CATSPERE: variants seen among roughly 807,000 people sequenced by gnomAD.
The protein encoded by CATSPERE is cation channel sperm-associated auxiliary subunit epsilon.
In CATSPERE, 93 loss-of-function variants were observed where a neutral mutation model predicts 114.1. The ratio of observed to expected loss-of-function variants is 0.81; its 90% CI spans 0.69 to 0.97. The LOEUF is 0.97. CATSPERE is among the 50% of genes least tolerant of loss of function. CATSPERE has a pLI of 0.00. For synonymous variants in CATSPERE, 341 were observed against 384.1 expected (o/e 0.89, Z 1.31); for missense variants, 1,058 against 1,131.6 (o/e 0.93, Z 0.93).
chr1:244,483,234 A>T lies in CATSPERE; in HGVS notation c.326+3450A>T, dbSNP rs562055269. ...TCAGGCCTCATTCCAGACCTATGGG[A>T]TAATAATATGCACTTTAAGAAGATT... On this transcript the variant is annotated intron_variant, in intron 5 of 21. Transcript: ENST00000366534. Among the ~76,000 whole-genome samples the T allele has an allele frequency of 2.0e-5, 3 of 152,346 alleles. No homozygotes were observed. In the East Asian group the frequency reaches 5.8e-4, roughly 29 times the overall value.
intron 17 of CATSPERE, among the ~76,000 whole-genome samples, chr1:244,602,503 C>T (rs541187660): frequency 2.6e-5 from 4 of 152,222 alleles, no homozygotes; most frequent in Admixed American, 2.6e-4. Context: ...GTACAAGGCT[C>T]GGCAGAGTTT....
chr1:244,633,054 AT>A lies in CATSPERE; in HGVS notation c.2649-2434del, dbSNP rs1674173624. Among the ~76,000 whole-genome samples, 1 of 152,262 alleles carries A rather than the reference AT, an allele frequency of 6.6e-6. No individual in the cohort carries two copies. On this transcript the variant is annotated intron_variant, in intron 20 of 21. Transcript: ENST00000366534. The surrounding 1 kb of genome is among the most constrained non-coding windows in gnomAD (Gnocchi z 4.1). ...AAGGTATAAAGAGACACATTACATA[AT>A]GATAAAGAAGGTGTAATAATCCTAA...
At chr1:244,461,223 T>G (rs763184205), upstream of CATSPERE, 118 of 402,926 alleles carry the variant, frequency 2.9e-4, no homozygotes, top group Admixed American at 8.0e-4. Flanking sequence ...GCACTCCGGC[T>G]ACTTTCAGGC....
chr1:244,635,101 T>G (rs751364507), intron 20 of CATSPERE, among the ~76,000 whole-genome samples: 4 of 152,230 alleles, frequency 2.6e-5, no homozygotes, highest in Non-Finnish European at 5.9e-5. Flanking sequence ...CACCTCGGCC[T>G]CCCAAAGGCT....
intron 7 of CATSPERE, among the ~76,000 whole-genome samples, chr1:244,514,081 C>T (rs1676187022): frequency 6.6e-6 from 1 of 152,122 alleles, no homozygotes; most frequent in South Asian, 2.1e-4. Flanking sequence ...TTTTGAGGCA[C>T]AGAAGTTTTT....
intron 9 of CATSPERE, among the ~76,000 whole-genome samples, chr1:244,560,200 A>G (rs1440455445): frequency 6.6e-6 from 1 of 152,126 alleles, no homozygotes; most frequent in Non-Finnish European, 1.5e-5. Context: ...TTTGTTGCCC[A>G]GGCTGGTCTC....
chr1:244,602,121 CTATT>C (rs1285539387), intron 17 of CATSPERE, among the ~76,000 whole-genome samples: 11 of 152,088 alleles, frequency 7.2e-5, no homozygotes, highest in Admixed American at 6.6e-4. Flanking sequence ...TGGAACAGCA[CTATT>C]TGGGATTTTT....
At chr1:244,528,346 C>T (rs1476411613) in intron 8 of CATSPERE, among the ~76,000 whole-genome samples, 1 of 152,058 alleles carries the variant, frequency 6.6e-6, no homozygotes, top group African/African-American at 2.4e-5. Flanking sequence ...CAACACTAAT[C>T]AGTATGAATG....
intron 15 of CATSPERE, 61 bp downstream of exon 15, chr1:244,591,792 A>G (rs1572907671): frequency 1.0e-6 from 1 of 1,001,782 alleles, no homozygotes; most frequent in African/African-American, 1.6e-5. Flanking sequence ...ATACTTTACA[A>G]TCAGTACTTA....
chr1:244,519,032 A>C (rs1677092587), intron 8 of CATSPERE, among the ~76,000 whole-genome samples: 1 of 151,900 alleles, frequency 6.6e-6, no homozygotes, highest in African/African-American at 2.4e-5. Context: ...ACATACACAC[A>C]CACACACACA....
chr1:244,621,007 T>TATATATATAAAATATATATAA (rs1553388169), intron 20 of CATSPERE, among the ~76,000 whole-genome samples: 12,627 of 101,816 alleles, frequency 0.12, 5,450 homozygotes, highest in South Asian at 0.16. Context: ...GATTAAAATA[T>TATATATATAAAATATATATAA]ATATATATAA....
chr1:244,604,932 G>A (rs1312231315), intron 17 of CATSPERE, among the ~76,000 whole-genome samples: 1 of 152,170 alleles, frequency 6.6e-6, no homozygotes, highest in Non-Finnish European at 1.5e-5. Flanking sequence ...ATCAAGGCAG[G>A]GGTAGCCGGT....
Position 244,538,375 on chromosome 1 carries a change from CAG to C in CATSPERE, c.537-13944_537-13943del, listed in dbSNP as rs1680689122. Among the ~76,000 whole-genome samples the C allele has an allele frequency of 4.6e-5, 7 of 152,066 alleles. No homozygotes were observed. The South Asian group carries it at 1.5e-3, about 32-fold the overall frequency. ...GGAGGCAAGAACAAAAGACAGAAAA[CAG>C]AGGGGGAAGTGGTAACTGAGTAGTG... On this transcript the variant is annotated intron_variant, in intron 8 of 21. Coordinates refer to ENST00000366534, the MANE Select transcript of CATSPERE (RefSeq NM_001130957.2).
At chr1:244,567,043 G>A (rs890879207) in intron 10 of CATSPERE, among the ~76,000 whole-genome samples, 3 of 152,038 alleles carry the variant, frequency 2.0e-5, no homozygotes, top group African/African-American at 7.2e-5. Flanking sequence ...CAGGCCTGGT[G>A]GTGACAAAAT....
intron 8 of CATSPERE, among the ~76,000 whole-genome samples, chr1:244,534,426 G>C (rs900684759): frequency 6.6e-6 from 1 of 152,042 alleles, no homozygotes; most frequent in Non-Finnish European, 1.5e-5. Context: ...CTGTTTTCTA[G>C]ATCTTGTAAG....
chr1:244,454,266 C>T (rs1330274576), upstream of CATSPERE: 1 of 152,214 alleles, frequency 6.6e-6, no homozygotes, highest in African/African-American at 2.4e-5. Context: ...GGTCATCCCT[C>T]CCCACCTGGA....
rs1354475188 is a variant in CATSPERE at position 244,552,592 on chromosome 1, G to C, written c.807G>C (p.Trp269Cys). Residue 269 changes from tryptophan to cysteine, a missense_variant, in exon 9 of 22, where the codon TGG (tryptophan) becomes TGC (cysteine). Coordinates refer to ENST00000366534, the MANE Select transcript of CATSPERE (RefSeq NM_001130957.2). ...TFHTTDSFKSWTRIRVPPDIL... is the reference protein window; with the variant it reads ...TFHTTDSFKSCTRIRVPPDIL... ...ACACAACTGATTCATTCAAATCTTG[G>C]ACCAGAATCAGAGTGCCTCCAGACA... 2 of 1,614,132 alleles carry C rather than the reference G, an allele frequency of 1.2e-6. No homozygotes were observed. The highest frequency in any genetic ancestry group is 2.2e-5 in the South Asian group (2 of 91,076).
At chr1:244,460,039 A>G (rs187695712), upstream of CATSPERE, among the ~76,000 whole-genome samples, 1 of 152,352 alleles carries the variant, frequency 6.6e-6, no homozygotes, top group Non-Finnish European at 1.5e-5. Context: ...TATGATTGAG[A>G]CAGTGAAAGA....
intron 6 of CATSPERE, among the ~76,000 whole-genome samples, chr1:244,497,158 C>A (rs1208699478): frequency 6.6e-6 from 1 of 152,180 alleles, no homozygotes; most frequent in Non-Finnish European, 1.5e-5. Flanking sequence ...AATTCTCTTA[C>A]AACCTGGTAA....
Sources: allele counts gnomAD v4.1 joint callset (sites outside exome capture counted in the v4.1 genomes callset), GRCh38; gene constraint gnomAD v4.1.1; non-coding constraint Gnocchi (gnomAD v3.1); transcripts MANE v1.5; gene names NCBI Gene and HGNC (gene_info 2026-07-23, HGNC 2026-07-21).